Variants in RNF43 observed in about 807,000 individuals in gnomAD.
The protein encoded by RNF43 is E3 ubiquitin-protein ligase RNF43.
RNF43 carries 37 observed loss-of-function variants against 78.4 expected under a neutral mutation model. The ratio of observed to expected loss-of-function variants is 0.47; its 90% confidence interval spans 0.36 to 0.62. The LOEUF is 0.62. Ranked by LOEUF, RNF43 falls within the 20% of genes least tolerant of loss-of-function variation. The pLI is 0.00. For missense variants in RNF43, 774 were observed against 1,007.9 expected (o/e 0.77, Z 3.14); for synonymous variants, 347 against 395.0 (o/e 0.88, Z 1.44).
chr17:58,410,526 C>T (rs2632509), intron 2 of RNF43, among the ~76,000 whole-genome samples: 130,011 of 152,288 alleles, frequency 0.85, 55,878 homozygotes, highest in East Asian at 1. Flanking sequence ...TGTACTTCTT[C>T]TAAAGGCTGG....
rs530614750 is a variant in RNF43, at chr17:58,393,689, G to A, written c.252+21637C>T. Among the ~76,000 whole-genome samples, 497 of 152,248 alleles carry A rather than the reference G, an allele frequency of 3.3e-3. 2 individuals are homozygous for A. The highest frequency in any genetic ancestry group is 0.011 in the African/African-American group (467 of 41,528). ...AGAAATTGATTAATTTAATGTTTGC[G>A]CTTCATTGTAATACTTTCTACAACA... On this transcript the variant is annotated intron_variant, in intron 2 of 9. Transcript: ENST00000407977.
chr17:58,352,903 A>G, downstream of RNF43: 1 of 215,210 alleles, frequency 4.6e-6, no homozygotes, highest in East Asian at 6.9e-5. Flanking sequence ...CCGTCTAGGA[A>G]GCGAAATGCC....
chr17:58,358,514 AGGT>A lies in RNF43; in HGVS notation c.1259_1261del (p.His420del). Reference sequence around the variant, plus strand: ...AGCAGGGTGCTGTGAGGTGGATTGGAGGTGGCTCAGTCCCCAGCCTTGTGCATA... The same window carrying A: ...AGCAGGGTGCTGTGAGGTGGATTGGAGGCTCAGTCCCCAGCCTTGTGCATA... On this transcript the variant is annotated inframe_deletion, in exon 9 of 10. Transcript: ENST00000407977. The surrounding 1 kb of genome is among the most constrained non-coding windows in gnomAD (Gnocchi z 6.2). The A allele has an allele frequency of 6.2e-7, 1 of 1,613,600 alleles. No homozygotes were observed. The highest frequency in any genetic ancestry group is 8.5e-7 in the Non-Finnish European group (1 of 1,179,728).
Position 58,363,615 on chromosome 17 carries a change from A to G in RNF43, c.376-15T>C, listed in dbSNP as rs771973438. ...GCCATCCGAGCCTGCAGAGGCACAC[A>G]GTAGAGGTTGGGCTGAGGTCAGGGA... On this transcript the variant is annotated splice_polypyrimidine_tract_variant and intron_variant, in intron 3 of 9. Coordinates refer to ENST00000407977, the MANE Select transcript of RNF43 (RefSeq NM_017763.6). 6 of 1,606,264 alleles carry G rather than the reference A, an allele frequency of 3.7e-6. No individual in the cohort carries two copies. The East Asian group carries it at 1.1e-4, about 30-fold the overall frequency.
intron 2 of RNF43, among the ~76,000 whole-genome samples, chr17:58,400,546 A>G (rs1056427430): frequency 3.3e-5 from 5 of 152,160 alleles, no homozygotes; most frequent in African/African-American, 1.2e-4. Flanking sequence ...TAGTTAGGCC[A>G]TTTATTACTA....
chr17:58,372,357 C>T (rs1424943448), intron 2 of RNF43, among the ~76,000 whole-genome samples: 1 of 152,138 alleles, frequency 6.6e-6, no homozygotes, highest in Admixed American at 6.6e-5. Context: ...TCCATTCTTG[C>T]TCCCAGAGTT....
intron 2 of RNF43, among the ~76,000 whole-genome samples, chr17:58,374,202 G>C (rs1174219965): frequency 1.3e-5 from 2 of 151,898 alleles, no homozygotes; most frequent in Non-Finnish European, 1.5e-5. Context: ...AAAAAAAAAG[G>C]AAAGTAGTAG....
chr17:58,365,582 CAG>C (rs1345805711), intron 3 of RNF43, among the ~76,000 whole-genome samples: 2 of 152,158 alleles, frequency 1.3e-5, no homozygotes, highest in Non-Finnish European at 2.9e-5. Context: ...CACTGGCCAA[CAG>C]GGGAAAACAA....
chr17:58,391,571 T>C (rs981724235), intron 2 of RNF43, among the ~76,000 whole-genome samples: 1 of 152,208 alleles, frequency 6.6e-6, no homozygotes, highest in African/African-American at 2.4e-5. Context: ...GCAAGAGAGA[T>C]GAAAGGCTTC....
At chr17:58,364,101 G>T (rs771813521) in intron 3 of RNF43, among the ~76,000 whole-genome samples, 17 of 152,178 alleles carry the variant, frequency 1.1e-4, no homozygotes, top group Non-Finnish European at 1.9e-4. Flanking sequence ...CATCTCCCCA[G>T]CTCAGGCAAA....
chr17:58,368,198 C>G (rs1972996347), intron 3 of RNF43, among the ~76,000 whole-genome samples: 1 of 152,170 alleles, frequency 6.6e-6, no homozygotes, highest in Non-Finnish European at 1.5e-5. Flanking sequence ...TCCAAACTCT[C>G]CCTCCCCTAA....
intron 3 of RNF43, among the ~76,000 whole-genome samples, chr17:58,366,885 G>A (rs1022473296): frequency 2.0e-5 from 3 of 152,146 alleles, no homozygotes; most frequent in African/African-American, 7.2e-5. Flanking sequence ...GAGTGCAGGG[G>A]CGCAATCTCA....
chr17:58,395,898 T>C (rs9889419), intron 2 of RNF43, among the ~76,000 whole-genome samples: 53,451 of 152,000 alleles, frequency 0.35, 10,049 homozygotes, highest in East Asian at 0.51. Context: ...GAATTGTCTC[T>C]AAAATCTAAG....
At chr17:58,378,539 GCTAT>G (rs771779691) in intron 2 of RNF43, among the ~76,000 whole-genome samples, 77 of 152,328 alleles carry the variant, frequency 5.1e-4, no homozygotes, top group Non-Finnish European at 9.4e-4. Flanking sequence ...TTACAAGCAT[GCTAT>G]CTATTTTTTA....
intron 3 of RNF43, among the ~76,000 whole-genome samples, chr17:58,365,235 CAGGGGAAAAGGAATCCCTGGT>C (rs1290736975): frequency 6.6e-6 from 1 of 152,094 alleles, no homozygotes; most frequent in African/African-American, 2.4e-5. Flanking sequence ...GGAGAAGTAC[CAGGGGAAAAGGAATCCCTGGT>C]AGGGAACCCT....
intron 2 of RNF43, among the ~76,000 whole-genome samples, chr17:58,411,562 T>C (rs1258543130): frequency 6.6e-6 from 1 of 152,100 alleles, no homozygotes; most frequent in Non-Finnish European, 1.5e-5. Context: ...GCTGCTCCCA[T>C]TGTAGGTCTG....
rs7215531 is a variant in RNF43, at chr17:58,416,013, A to T, written c.-385-51T>A. ...CAAGGCAAAGTAAACAGCTAAGGCC[A>T]TGCATCAAAGGTGAGCGTGAAGAAC... On this transcript the variant is annotated intron_variant, in intron 1 of 9. Transcript: ENST00000407977. The T allele has an allele frequency of 0.21, 47,194 of 223,950 alleles. 5,766 individuals are homozygous for T. Among genetic ancestry groups the T allele is most frequent in the African/African-American group, 0.32 (14,000 of 44,408 alleles). The allele number at this position is 223,950 out of a possible 1,614,324, so 13.9% of individuals were successfully genotyped here.
intron 2 of RNF43, among the ~76,000 whole-genome samples, chr17:58,391,158 G>A (rs1973549703): frequency 6.6e-6 from 1 of 152,208 alleles, no homozygotes; most frequent in African/African-American, 2.4e-5. Context: ...GTACACTGAG[G>A]ACCAAACTTA....
In RNF43 at chr17:58,358,096, C is replaced by T. The variant is rs1211891301; in HGVS notation, c.1680G>A (p.Lys560=). The change falls in exon 9 of 10, where the codon AAG becomes AAA. Residue 560 remains lysine, a synonymous_variant. Transcript: ENST00000407977. The surrounding 1 kb of genome is among the most constrained non-coding windows in gnomAD (Gnocchi z 6.2). ...YHRHRHHHYK[K]RFQWHGRKPG... ...GCTTCCTGCCATGCCACTGGAACCG[C>T]TTTTTGTAGTGGTGGTGCCGGTGGC... 3.1e-6 allele frequency: 5 copies of T among 1,610,706 alleles called. No individual in the cohort carries two copies. In the African/African-American group the frequency reaches 6.7e-5, roughly 22 times the overall value.
Sources: allele counts gnomAD v4.1 joint callset (sites outside exome capture counted in the v4.1 genomes callset), GRCh38; gene constraint gnomAD v4.1.1; non-coding constraint Gnocchi (gnomAD v3.1); transcripts MANE v1.5; gene names NCBI Gene and HGNC (gene_info 2026-07-23, HGNC 2026-07-21).